The following FOXP2 variants were observed in gnomAD, a reference collection of about 807,000 sequenced individuals.
FOXP2 encodes the protein forkhead box protein P2.
A neutral mutation model predicts 115.8 loss-of-function variants in FOXP2; 12 were observed. The ratio of observed to expected loss-of-function variants is 0.10; its 90% CI spans 0.07 to 0.17. The LOEUF is 0.17. FOXP2 is among the 10% of genes least tolerant of loss of function. The pLI is 1.00. For synonymous variants in FOXP2, 328 were observed against 297.7 expected (o/e 1.10, Z -1.05); for missense variants, 629 against 843.5 (o/e 0.75, Z 3.15).
intron 1 of FOXP2, among the ~76,000 whole-genome samples, chr7:114,253,338 G>A (rs1795506047): frequency 6.6e-6 from 1 of 152,006 alleles, no homozygotes; most frequent in South Asian, 2.1e-4. Context: ...TTCAATTCCT[G>A]GATATCCTTG....
chr7:114,482,677 A>G (rs1796611075), intron 2 of FOXP2, among the ~76,000 whole-genome samples: 1 of 151,554 alleles, frequency 6.6e-6, no homozygotes, highest in Admixed American at 6.6e-5. Flanking sequence ...AGATATAAAT[A>G]TTTTTATGTG....
intron 1 of FOXP2, among the ~76,000 whole-genome samples, chr7:114,132,243 T>C (rs1224073528): frequency 6.6e-6 from 1 of 152,156 alleles, no homozygotes. Context: ...ACAACATAAT[T>C]CTTTTTCTAC....
At chr7:114,623,956 T>C (rs1215341378) in intron 3 of FOXP2, among the ~76,000 whole-genome samples, 1 of 151,904 alleles carries the variant, frequency 6.6e-6, no homozygotes, top group East Asian at 1.9e-4. Context: ...CAGTACTTGA[T>C]GAAAAGCTTA....
intron 3 of FOXP2, among the ~76,000 whole-genome samples, chr7:114,597,497 T>C (rs887744734): frequency 9.9e-5 from 15 of 152,186 alleles, no homozygotes; most frequent in African/African-American, 3.6e-4. Context: ...ACAGATAATC[T>C]TATGCAAAAG....
chr7:114,139,255 A>G (rs1792136101), intron 1 of FOXP2, among the ~76,000 whole-genome samples: 2 of 152,306 alleles, frequency 1.3e-5, no homozygotes, highest in South Asian at 4.1e-4. Flanking sequence ...TTAAGTAGCA[A>G]TACCCATCCT....
chr7:114,203,212 G>A (rs954010187), intron 1 of FOXP2, among the ~76,000 whole-genome samples: 5 of 152,194 alleles, frequency 3.3e-5, no homozygotes, highest in Non-Finnish European at 7.3e-5. Context: ...ATCACATAAT[G>A]CAGGTGAGAC....
At chr7:114,140,715 A>G (rs1386975875) in intron 1 of FOXP2, among the ~76,000 whole-genome samples, 2 of 152,166 alleles carry the variant, frequency 1.3e-5, no homozygotes, top group Non-Finnish European at 2.9e-5. Context: ...ACACAAAGGA[A>G]ATGATGGTAT....
upstream of FOXP2, among the ~76,000 whole-genome samples, chr7:114,159,926 T>C (rs1792785629): frequency 6.6e-6 from 1 of 152,162 alleles, no homozygotes; most frequent in Non-Finnish European, 1.5e-5. Context: ...GACAGCTGTG[T>C]AGAAATATTG....
chr7:114,100,910 G>C (rs928644099), intron 1 of FOXP2, among the ~76,000 whole-genome samples: 25 of 152,038 alleles, frequency 1.6e-4, no homozygotes, highest in African/African-American at 5.8e-4. Context: ...TTTATGAATG[G>C]CAAGTCTGAG....
At chr7:114,191,312 G>A (rs916544102) in intron 1 of FOXP2, among the ~76,000 whole-genome samples, 1 of 152,146 alleles carries the variant, frequency 6.6e-6, no homozygotes, top group Non-Finnish European at 1.5e-5. Context: ...GTTAGATATA[G>A]AAGGAGAGAA....
At chr7:114,442,805 G>C (rs564062584) in intron 2 of FOXP2, among the ~76,000 whole-genome samples, 14 of 152,214 alleles carry the variant, frequency 9.2e-5, no homozygotes, top group Non-Finnish European at 1.3e-4. Flanking sequence ...CCTCAATACA[G>C]CTGTTTATAT....
chr7:114,209,905 C>G (rs1185906491), intron 1 of FOXP2, among the ~76,000 whole-genome samples: 1 of 152,082 alleles, frequency 6.6e-6, no homozygotes, highest in Non-Finnish European at 1.5e-5. Flanking sequence ...AGATTCTTTC[C>G]TCTGCTGTCT....
At chr7:114,426,342 G>A (rs1204820485) in intron 1 of FOXP2, among the ~76,000 whole-genome samples, 160 bp from the exon 2 acceptor site, 1 of 151,660 alleles carries the variant, frequency 6.6e-6, no homozygotes, top group African/African-American at 2.4e-5. Flanking sequence ...CTGGATGAAA[G>A]CTGAATTTGT....
intron 1 of FOXP2, among the ~76,000 whole-genome samples, chr7:114,139,700 G>A (rs771856841): frequency 2.6e-5 from 4 of 152,098 alleles, no homozygotes; most frequent in Non-Finnish European, 5.9e-5. Context: ...GCTTTTAAAA[G>A]TATTCCTCTT....
At chr7:114,644,653 G>C (rs1456164585) in intron 7 of FOXP2, 32 bp from the exon 8 acceptor site, 1 of 1,573,956 alleles carries the variant, frequency 6.4e-7, no homozygotes, top group African/African-American at 1.3e-5. Context: ...AGCTTTTTGA[G>C]ATGAATCTGA....
At chr7:114,597,556 A>G (rs1450688335) in intron 3 of FOXP2, among the ~76,000 whole-genome samples, 2 of 152,110 alleles carry the variant, frequency 1.3e-5, no homozygotes, top group Non-Finnish European at 2.9e-5. Flanking sequence ...TGACAACTAC[A>G]TTTCATCAGT....
At chr7:114,480,779 A>G (rs1796503351) in intron 2 of FOXP2, among the ~76,000 whole-genome samples, 1 of 150,676 alleles carries the variant, frequency 6.6e-6, no homozygotes, top group Non-Finnish European at 1.5e-5. Flanking sequence ...ATACATACAT[A>G]CACATGCACA....
intron 2 of FOXP2, among the ~76,000 whole-genome samples, chr7:114,498,303 A>T (rs937926323): frequency 6.6e-6 from 1 of 152,204 alleles, no homozygotes; most frequent in East Asian, 1.9e-4. Flanking sequence ...GTTTGGACTT[A>T]CTTAATATAC....
chr7:114,516,936 C>T (rs1798374949), intron 2 of FOXP2, among the ~76,000 whole-genome samples: 1 of 151,968 alleles, frequency 6.6e-6, no homozygotes, highest in Non-Finnish European at 1.5e-5. Flanking sequence ...CCTCATGATC[C>T]ACCTGCCTCA....
Sources: gnomAD v4.1 joint callset for allele counts (sites outside exome capture counted in the v4.1 genomes callset) on GRCh38, gnomAD v4.1.1 for gene constraint, MANE v1.5 for transcripts, NCBI Gene and HGNC (gene_info 2026-07-23, HGNC 2026-07-21) for gene names.